Variants in WWOX observed in about 807,000 individuals in gnomAD.
The protein encoded by WWOX is WW domain-containing oxidoreductase.
Under a neutral mutation model 46.2 loss-of-function variants are expected in WWOX, and 69 were observed. That is an observed-to-expected ratio of 1.49 (90% CI 1.23 to 1.82). The LOEUF (loss-of-function observed/expected upper bound fraction) is 1.82, where lower values mean the gene tolerates loss of function less well. Ranked by LOEUF, WWOX falls within the 40% of genes most tolerant of loss-of-function variation. The pLI is 0.00. For synonymous variants in WWOX, 359 were observed against 202.6 expected (o/e 1.77, Z -6.56); for missense variants, 919 against 542.6 (o/e 1.69, Z -6.89).
chr16:78,652,064 A>G (rs4035818), intron 8 of WWOX, among the ~76,000 whole-genome samples: 8,990 of 152,238 alleles, frequency 0.059, 356 homozygotes, highest in South Asian at 0.18. Context: ...ATGAGGCCTC[A>G]TGATAAGCCA....
chr16:78,545,441 G>A (rs1274925128), intron 8 of WWOX, among the ~76,000 whole-genome samples: 1 of 152,142 alleles, frequency 6.6e-6, no homozygotes, highest in African/African-American at 2.4e-5. Flanking sequence ...TGGCCTCAAA[G>A]TCCTGGGATG....
intron 8 of WWOX, among the ~76,000 whole-genome samples, chr16:78,634,873 T>TGTGTGC (rs1491316806): frequency 5.7e-5 from 8 of 140,748 alleles, no homozygotes; most frequent in African/African-American, 1.6e-4. Context: ...TGTGTGTGTG[T>TGTGTGC]GCGCGTGCAT....
At chr16:78,442,059 CCTGGGAGTTGGAGG>C (rs1454762915) in intron 8 of WWOX, among the ~76,000 whole-genome samples, 3 of 151,130 alleles carry the variant, frequency 2.0e-5, no homozygotes, top group East Asian at 2.0e-4. Flanking sequence ...ATGACTTGAG[CCTGGGAGTTGGAGG>C]CTGCAGTGAG....
At chr16:79,143,471 T>G (rs1221908875) in intron 8 of WWOX, among the ~76,000 whole-genome samples, 1 of 152,232 alleles carries the variant, frequency 6.6e-6, no homozygotes, top group Non-Finnish European at 1.5e-5. Context: ...GCTAAGTGGA[T>G]TCTTCGACTT....
intron 8 of WWOX, among the ~76,000 whole-genome samples, chr16:78,730,347 C>G (rs969738615): frequency 2.6e-5 from 4 of 152,068 alleles, no homozygotes; most frequent in African/African-American, 7.2e-5. Context: ...TTCCTTCCTT[C>G]CAGCATTATC....
intron 8 of WWOX, among the ~76,000 whole-genome samples, chr16:78,594,804 C>A (rs536489878): frequency 6.6e-6 from 1 of 152,124 alleles, no homozygotes. Flanking sequence ...TAGCCTCAGT[C>A]TCTCGGGATG....
intron 6 of WWOX, among the ~76,000 whole-genome samples, chr16:78,410,449 C>G (rs78026322): frequency 0.016 from 2,484 of 152,056 alleles, 74 homozygotes; most frequent in African/African-American, 0.057. Flanking sequence ...ATTTTTGTGA[C>G]TCAGGAATTT....
At chr16:78,852,263 C>G (rs1053820113) in intron 8 of WWOX, among the ~76,000 whole-genome samples, 4 of 152,208 alleles carry the variant, frequency 2.6e-5, no homozygotes, top group Non-Finnish European at 4.4e-5. Flanking sequence ...TATTTCTCTT[C>G]TACTCTGAAC....
At chr16:78,917,908 A>C (rs1191663673) in intron 8 of WWOX, among the ~76,000 whole-genome samples, 3 of 152,292 alleles carry the variant, frequency 2.0e-5, no homozygotes, top group East Asian at 1.9e-4. Flanking sequence ...AAGTTTAAGA[A>C]ATTGTCATAT....
chr16:78,110,644 CG>C (rs2032438812), intron 3 of WWOX, among the ~76,000 whole-genome samples: 1 of 152,096 alleles, frequency 6.6e-6, no homozygotes, highest in African/African-American at 2.4e-5. Flanking sequence ...TCCGGTATCA[CG>C]CAGCAATAGT....
chr16:79,063,389 C>T lies in WWOX; in HGVS notation c.1057-148219C>T, dbSNP rs560306452. 2.6e-5 allele frequency among the ~76,000 whole-genome samples: 4 copies of T among 152,318 alleles called. No individual in the cohort carries two copies. The South Asian group carries it at 8.3e-4, about 32-fold the overall frequency. The stretch of plus-strand genomic sequence containing the variant: ...CCATCACATCACAACAGGCTGAATG[C>T]TGTCCACAGGTTGCCAGTCTGGATA... On this transcript the variant is annotated intron_variant, in intron 8 of 8. Transcript: ENST00000566780.
At chr16:78,868,465 C>A (rs1207856929) in intron 8 of WWOX, among the ~76,000 whole-genome samples, 1 of 101,496 alleles carries the variant, frequency 9.9e-6, no homozygotes, top group African/African-American at 3.6e-5. Flanking sequence ...GGCTGCACAA[C>A]TGGATAAATA....
intron 8 of WWOX, among the ~76,000 whole-genome samples, chr16:78,878,173 C>A (rs2656628): frequency 0.24 from 37,226 of 152,136 alleles, 4,912 homozygotes; most frequent in Middle Eastern, 0.37. Context: ...GGTGGTGCTG[C>A]ATGCTATTCA....
chr16:78,857,795 T>A (rs1166918872), intron 8 of WWOX, among the ~76,000 whole-genome samples: 4 of 152,188 alleles, frequency 2.6e-5, no homozygotes, highest in Admixed American at 2.6e-4. Flanking sequence ...AAAGAACATC[T>A]GCTGTTTATA....
At chr16:78,776,151 T>TA (rs956633342) in intron 8 of WWOX, among the ~76,000 whole-genome samples, 5 of 152,120 alleles carry the variant, frequency 3.3e-5, no homozygotes, top group Admixed American at 6.5e-5. Flanking sequence ...TGGCTTGGGC[T>TA]AAAAAAATGA....
chr16:79,179,519 G>C (rs146919562), intron 8 of WWOX, among the ~76,000 whole-genome samples: 197 of 152,276 alleles, frequency 1.3e-3, no homozygotes, highest in African/African-American at 4.4e-3. Flanking sequence ...TTTTGTTTTT[G>C]TTTTTCCTTC....
At chr16:79,170,906 A>T (rs1274679556) in intron 8 of WWOX, among the ~76,000 whole-genome samples, 1 of 152,214 alleles carries the variant, frequency 6.6e-6, no homozygotes, top group Non-Finnish European at 1.5e-5. Context: ...TGTGCTGATT[A>T]TTAGTGCCTT....
chr16:78,678,922 C>T (rs958130670), intron 8 of WWOX, among the ~76,000 whole-genome samples: 1 of 152,192 alleles, frequency 6.6e-6, no homozygotes, highest in African/African-American at 2.4e-5. Context: ...TGGCACCGCA[C>T]ACTTTGTTCA....
chr16:78,393,560 T>C (rs529247131), intron 6 of WWOX, among the ~76,000 whole-genome samples: 1 of 152,254 alleles, frequency 6.6e-6, no homozygotes, highest in Admixed American at 6.5e-5. Flanking sequence ...GAGAACTGAA[T>C]TGCAATCCTG....
Sources: gnomAD v4.1 joint callset for allele counts (sites outside exome capture counted in the v4.1 genomes callset) on GRCh38, gnomAD v4.1.1 for gene constraint, MANE v1.5 for transcripts, NCBI Gene and HGNC (gene_info 2026-07-23, HGNC 2026-07-21) for gene names.